Variants in SEMA3E observed in about 807,000 individuals in gnomAD.
SEMA3E encodes semaphorin-3E.
In SEMA3E, 49 loss-of-function variants were observed where a neutral mutation model predicts 93.6. That is an observed-to-expected ratio of 0.52 (90% CI 0.42 to 0.66). SEMA3E has a LOEUF of 0.66. Among genes scored for constraint, SEMA3E ranks in the 30% least tolerant of loss-of-function variants. The pLI is 0.00. For synonymous variants in SEMA3E, 363 were observed against 330.7 expected, an observed-to-expected ratio of 1.10 and a Z score of -1.06; for missense variants, 906 against 964.8, an observed-to-expected ratio of 0.94 and a Z score of 0.81.
chr7:83,427,822 A>C (rs1464604467), intron 4 of SEMA3E, among the ~76,000 whole-genome samples: 1 of 152,192 alleles, frequency 6.6e-6, no homozygotes, highest in African/African-American at 2.4e-5. Flanking sequence ...TGGTTCAAGC[A>C]ATGTGTAATG....
intron 16 of SEMA3E, among the ~76,000 whole-genome samples, chr7:83,374,578 G>A (rs1197141482): frequency 6.6e-6 from 1 of 152,064 alleles, no homozygotes; most frequent in Non-Finnish European, 1.5e-5. Context: ...TGCATGCTAT[G>A]GTATGTTAAG....
chr7:83,484,617 C>T (rs892951114), intron 2 of SEMA3E, among the ~76,000 whole-genome samples: 5 of 152,124 alleles, frequency 3.3e-5, no homozygotes, highest in South Asian at 2.1e-4. Flanking sequence ...TCTTAAATAT[C>T]ACCTCCCTAG....
chr7:83,387,720 TAG>T (rs774789978), intron 14 of SEMA3E, among the ~76,000 whole-genome samples: 4 of 151,080 alleles, frequency 2.6e-5, no homozygotes. Context: ...CTCGTATAAT[TAG>T]AGTCATTTCT....
chr7:83,365,686 T>C lies in SEMA3E; in HGVS notation c.*1900A>G, dbSNP rs764005572. The C allele has an allele frequency of 8.5e-5, 13 of 152,174 alleles. No individual in the cohort carries two copies. The highest frequency in any genetic ancestry group is 1.8e-4 in the Non-Finnish European group (12 of 68,000). The allele number at this position is 152,174 out of a possible 1,614,324, so 9.4% of individuals were successfully genotyped here. A position where few individuals can be genotyped will look rare whatever the true frequency, so the allele number is the denominator to read the frequency against. The stretch of plus-strand genomic sequence containing the variant: ...TATTGCAATTAAAATGATAACTATT[T>C]ATGTCTTATCTGCCTTTTTAATTTT... On this transcript the variant is annotated 3_prime_UTR_variant, in exon 17 of 17. Transcript: ENST00000643230.
chr7:83,512,035 G>T (rs945658543), intron 1 of SEMA3E, among the ~76,000 whole-genome samples: 1 of 152,040 alleles, frequency 6.6e-6, no homozygotes, highest in African/African-American at 2.4e-5. Context: ...TAAAAGTTAC[G>T]ATTCATTAGT....
chr7:83,562,554 T>A (rs215274), intron 1 of SEMA3E, among the ~76,000 whole-genome samples: 1 of 151,138 alleles, frequency 6.6e-6, no homozygotes, highest in Non-Finnish European at 1.5e-5. Context: ...CGCTATCTTC[T>A]AAAGTAATAT....
intron 16 of SEMA3E, among the ~76,000 whole-genome samples, chr7:83,377,915 A>T (rs1460859588): frequency 6.6e-6 from 1 of 151,984 alleles, no homozygotes; most frequent in East Asian, 1.9e-4. Context: ...AACAAGAATG[A>T]ATTTCTCCAC....
At chr7:83,545,704 G>C (rs1173502714) in intron 1 of SEMA3E, among the ~76,000 whole-genome samples, 3 of 150,246 alleles carry the variant, frequency 2.0e-5, no homozygotes, top group African/African-American at 7.3e-5. Context: ...AAAATTATAT[G>C]TTAGCACCAT....
chr7:83,568,029 T>C (rs907598319), intron 1 of SEMA3E, among the ~76,000 whole-genome samples: 1 of 151,538 alleles, frequency 6.6e-6, no homozygotes, highest in Non-Finnish European at 1.5e-5. Context: ...ATAAATAAAA[T>C]AGACAACAAT....
intron 4 of SEMA3E, among the ~76,000 whole-genome samples, chr7:83,421,942 C>T (rs761205834): frequency 1.1e-4 from 16 of 152,268 alleles, no homozygotes; most frequent in Non-Finnish European, 2.4e-4. Flanking sequence ...CTTTGGGAGG[C>T]CGAGGAAGGC....
chr7:83,423,504 ATTT>A (rs71074656), intron 4 of SEMA3E, among the ~76,000 whole-genome samples: 18 of 138,880 alleles, frequency 1.3e-4, no homozygotes, highest in African/African-American at 4.0e-4. Context: ...ACTATGAAGA[ATTT>A]TTTTTTTTTT....
At position 83,615,016 on chromosome 7, in the gene SEMA3E, T is replaced by C. The variant is rs551531825; in HGVS notation, c.115+33412A>G. On this transcript the variant is annotated intron_variant, in intron 1 of 16. Coordinates refer to ENST00000643230, the MANE Select transcript of SEMA3E (RefSeq NM_012431.3). The stretch of plus-strand genomic sequence containing the variant: ...AATACACACTCACTGATCATCCACT[T>C]TAAATAGAGCAGAGCACTATACTCC... Among the ~76,000 whole-genome samples the C allele has an allele frequency of 2.1e-4, 32 of 152,276 alleles. 1 individual carries two copies. The South Asian group carries it at 6.6e-3, about 32-fold the overall frequency.
At chr7:83,543,801 G>T (rs187410358) in intron 1 of SEMA3E, among the ~76,000 whole-genome samples, 1 of 152,008 alleles carries the variant, frequency 6.6e-6, no homozygotes, top group South Asian at 2.1e-4. Context: ...CTTCATAATT[G>T]AGAACATACT....
chr7:83,504,868 C>G (rs554816497), intron 1 of SEMA3E, among the ~76,000 whole-genome samples: 1 of 151,750 alleles, frequency 6.6e-6, no homozygotes, highest in African/African-American at 2.4e-5. Flanking sequence ...TTCACTTACC[C>G]TTCACTCCAC....
intron 1 of SEMA3E, among the ~76,000 whole-genome samples, chr7:83,617,451 A>C (rs1432329829): frequency 1.9e-5 from 1 of 53,422 alleles, no homozygotes; most frequent in Non-Finnish European, 3.6e-5. Context: ...TATAAATTTT[A>C]TATAAATAAT....
At chr7:83,554,813 A>T (rs1791849748) in intron 1 of SEMA3E, among the ~76,000 whole-genome samples, 1 of 151,954 alleles carries the variant, frequency 6.6e-6, no homozygotes. Flanking sequence ...CGTCTCTACT[A>T]AAAATAGGAA....
intron 1 of SEMA3E, among the ~76,000 whole-genome samples, chr7:83,501,216 T>A (rs1336277284): frequency 1.3e-5 from 2 of 152,196 alleles, no homozygotes; most frequent in Non-Finnish European, 2.9e-5. Context: ...TTTATTTCAT[T>A]CGTTCAATCT....
intron 4 of SEMA3E, among the ~76,000 whole-genome samples, chr7:83,453,189 G>T (rs1357828594): frequency 6.6e-6 from 1 of 151,912 alleles, no homozygotes; most frequent in South Asian, 2.1e-4. Flanking sequence ...CACCACGCCT[G>T]GCTAATTTTT....
At chr7:83,455,616 G>T (rs945425978) in intron 4 of SEMA3E, among the ~76,000 whole-genome samples, 1 of 152,190 alleles carries the variant, frequency 6.6e-6, no homozygotes. Flanking sequence ...TGCGAATACG[G>T]TAAGAAATCA....
Sources: allele counts gnomAD v4.1 joint callset (sites outside exome capture counted in the v4.1 genomes callset), GRCh38; gene constraint gnomAD v4.1.1; transcripts MANE v1.5; gene names NCBI Gene and HGNC (gene_info 2026-07-23, HGNC 2026-07-21).